The following STPG4 variants were observed in gnomAD, a reference collection of about 807,000 sequenced individuals.
The protein encoded by STPG4 is protein STPG4.
STPG4 carries 41 observed loss-of-function variants against 31.5 expected under a neutral mutation model. The observed-to-expected ratio is 1.30, with a 90% CI of 1.01 to 1.69. The LOEUF (loss-of-function observed/expected upper bound fraction) is 1.69, where lower values mean the gene tolerates loss of function less well. Ranked by LOEUF, STPG4 falls within the 40% of genes most tolerant of loss-of-function variation. The pLI, the probability that STPG4 is intolerant of heterozygous loss-of-function variation, is 0.00. For missense variants in STPG4, 375 were observed against 293.4 expected, an observed-to-expected ratio of 1.28 and a Z score of -2.03; for synonymous variants, 141 against 103.0, an observed-to-expected ratio of 1.37 and a Z score of -2.24.
chr2:47,094,968 T>C (rs1685640730), intron 5 of STPG4, among the ~76,000 whole-genome samples: 1 of 152,174 alleles, frequency 6.6e-6, no homozygotes, highest in Admixed American at 6.5e-5. Flanking sequence ...GTATCATCAA[T>C]ACACTCCTCT....
At position 47,155,047 on chromosome 2, in the gene STPG4, A is replaced by G. The variant is rs929683620; in HGVS notation, c.81+124T>C. 4.9e-6 allele frequency: 4 copies of G among 811,872 alleles called. No individual in the cohort carries two copies. In the African/African-American group the frequency reaches 6.8e-5, roughly 14 times the overall value. 50.3% of individuals were successfully genotyped at this position (811,872 alleles called of 1,614,324 possible). Reference sequence around the variant, plus strand: ...GGTGGAGACGTGCGTGAGGGCAGGGAGAGAAGGGTAGGAAGAGGGAACGAG... The same window carrying G: ...GGTGGAGACGTGCGTGAGGGCAGGGGGAGAAGGGTAGGAAGAGGGAACGAG... On this transcript the variant is annotated intron_variant, in intron 1 of 6. Transcript: ENST00000445927.
chr2:47,141,400 C>G (rs1479034833), intron 3 of STPG4, among the ~76,000 whole-genome samples: 1 of 151,488 alleles, frequency 6.6e-6, no homozygotes, highest in Non-Finnish European at 1.5e-5. Flanking sequence ...TCACCAATAT[C>G]TTGTAATTTT....
chr2:47,123,259 A>T (rs1047983710), intron 5 of STPG4, among the ~76,000 whole-genome samples: 2 of 152,228 alleles, frequency 1.3e-5, no homozygotes, highest in Admixed American at 6.5e-5. Context: ...AAATATTTAG[A>T]AATAGAAAAG....
intron 3 of STPG4, among the ~76,000 whole-genome samples, chr2:47,149,628 T>C (rs1243784291): frequency 6.6e-6 from 1 of 152,266 alleles, no homozygotes; most frequent in Non-Finnish European, 1.5e-5. Context: ...CTGAAAATTT[T>C]GTGTCCACTT....
chr2:47,130,196 C>G lies in STPG4; in HGVS notation c.464G>C (p.Arg155Thr), dbSNP rs368351975. 1 of 1,612,490 alleles carries G rather than the reference C, an allele frequency of 6.2e-7. No individual in the cohort carries two copies. Among genetic ancestry groups the G allele is most frequent in the African/African-American group, 1.3e-5 (1 of 74,868 alleles). ...LPAPVPKYAS[R>T]SCVFRSTVQR... ...GCTTATTTAATAAGTATATAATTAC[C>G]TGGAAGCATATTTGGGAACTGGTGC... Residue 155 changes from arginine to threonine, a missense_variant and splice_region_variant, in exon 4 of 7, where the codon AGG becomes ACG. Arg to Thr is a moderately conservative substitution (Grantham distance 71, BLOSUM62 -1). Transcript: ENST00000445927.
chr2:47,154,927 A>G (rs2103812930), intron 1 of STPG4, among the ~76,000 whole-genome samples: 1 of 152,278 alleles, frequency 6.6e-6, no homozygotes, highest in African/African-American at 2.4e-5. Context: ...AAATACAGAA[A>G]ACAAAGGGCG....
At chr2:47,143,545 A>G (rs10172148) in intron 3 of STPG4, among the ~76,000 whole-genome samples, 134,260 of 151,180 alleles carry the variant, frequency 0.89, 59,793 homozygotes, top group South Asian at 0.95. Flanking sequence ...GAGTGCAGTG[A>G]TGTGATCTTG....
chr2:47,118,410 C>G (rs1686195263), intron 5 of STPG4, among the ~76,000 whole-genome samples: 1 of 152,150 alleles, frequency 6.6e-6, no homozygotes, highest in Non-Finnish European at 1.5e-5. Flanking sequence ...AAGCTCAGGG[C>G]TCCCTCTGAT....
intron 3 of STPG4, among the ~76,000 whole-genome samples, chr2:47,132,014 G>C (rs890333320): frequency 1.3e-5 from 2 of 152,008 alleles, no homozygotes; most frequent in African/African-American, 4.8e-5. Context: ...AACATACAAT[G>C]ATTAGCCAGG....
rs530817202 is a variant in STPG4 at position 47,102,734 on chromosome 2, C to G, written c.520-12360G>C. Among the ~76,000 whole-genome samples the G allele has an allele frequency of 3.3e-5, 5 of 150,800 alleles. No individual in the cohort carries two copies. In the South Asian group the frequency reaches 1.0e-3, roughly 32 times the overall value. ...GAAATCTCCAAAGGACCATAAAAAA[C>G]CCCGGGCTATCGGTTATGTCCCCTT... On this transcript the variant is annotated intron_variant, in intron 5 of 6. Coordinates refer to ENST00000445927, the MANE Select transcript of STPG4 (RefSeq NM_001163561.2).
At chr2:47,093,446 C>T (rs995765287) in intron 5 of STPG4, among the ~76,000 whole-genome samples, 5 of 152,188 alleles carry the variant, frequency 3.3e-5, no homozygotes, top group African/African-American at 1.2e-4. Flanking sequence ...GCAGGAGCCT[C>T]TCAGTTTGGC....
rs147194997 is a variant in STPG4, at chr2:47,155,070, G to C, written c.81+101C>G. ...GGAGAGAAGGGTAGGAAGAGGGAACGAGAGCGGCACGAAGGCCTGGGATTA... is the reference window on the plus strand; with the variant it reads ...GGAGAGAAGGGTAGGAAGAGGGAACCAGAGCGGCACGAAGGCCTGGGATTA... On this transcript the variant is annotated intron_variant, in intron 1 of 6. Transcript: ENST00000445927. The C allele has an allele frequency of 1.3e-3, 1,475 of 1,106,072 alleles. 18 individuals carry two copies. In the African/African-American group the frequency reaches 0.019, roughly 14 times the overall value. 68.5% of individuals were successfully genotyped at this position (1,106,072 alleles called of 1,614,324 possible). A position where few individuals can be genotyped will look rare whatever the true frequency, so the allele number is the denominator to read the frequency against.
chr2:47,131,605 A>G (rs1246509496), intron 3 of STPG4, among the ~76,000 whole-genome samples: 1 of 152,230 alleles, frequency 6.6e-6, no homozygotes, highest in Non-Finnish European at 1.5e-5. Context: ...CACTGTCATC[A>G]GTGCTAAAAG....
intron 5 of STPG4, among the ~76,000 whole-genome samples, chr2:47,118,022 G>A (rs1194483792): frequency 6.6e-6 from 1 of 151,914 alleles, no homozygotes; most frequent in African/African-American, 2.4e-5. Context: ...TGGCCTCCCA[G>A]CATGTTGGGA....
At chr2:47,088,759 G>A (rs949409099) in intron 6 of STPG4, among the ~76,000 whole-genome samples, 1 of 152,228 alleles carries the variant, frequency 6.6e-6, no homozygotes, top group Non-Finnish European at 1.5e-5. Flanking sequence ...CGCTTTAAAT[G>A]ACAGGATGTT....
Position 47,124,188 on chromosome 2 carries a change from G to T in STPG4, c.519+5753C>A, listed in dbSNP as rs543029574. Among the ~76,000 whole-genome samples the T allele has an allele frequency of 3.3e-5, 5 of 152,112 alleles. No individual in the cohort carries two copies. The South Asian group carries it at 1.0e-3, about 32-fold the overall frequency. On this transcript the variant is annotated intron_variant, in intron 5 of 6. Coordinates refer to ENST00000445927, the MANE Select transcript of STPG4 (RefSeq NM_001163561.2). Reference sequence around the variant, plus strand: ...AGTAGAGGTGGGGCTTCACCATGTTGGCCAGGCTGGTAGGCTGGTCTTGAA... The same window carrying T: ...AGTAGAGGTGGGGCTTCACCATGTTTGCCAGGCTGGTAGGCTGGTCTTGAA...
intron 5 of STPG4, among the ~76,000 whole-genome samples, chr2:47,120,502 G>A (rs1686245817): frequency 6.6e-6 from 1 of 152,100 alleles, no homozygotes; most frequent in Non-Finnish European, 1.5e-5. Flanking sequence ...GGGAGGTGGA[G>A]CTTGCAGTGA....
intron 3 of STPG4, among the ~76,000 whole-genome samples, chr2:47,132,292 T>G (rs144839956): frequency 3.9e-4 from 60 of 152,274 alleles, no homozygotes; most frequent in African/African-American, 1.3e-3. Flanking sequence ...AGTTATATTA[T>G]AAAATCCTAG....
intron 5 of STPG4, among the ~76,000 whole-genome samples, chr2:47,118,199 T>TC (rs1384231515): frequency 5.9e-5 from 9 of 152,100 alleles, no homozygotes; most frequent in African/African-American, 2.2e-4. Context: ...TTATAGCCAC[T>TC]CCCCATCACT....
Sources: allele counts gnomAD v4.1 joint callset (sites outside exome capture counted in the v4.1 genomes callset), GRCh38; gene constraint gnomAD v4.1.1; transcripts MANE v1.5; gene names NCBI Gene and HGNC (gene_info 2026-07-23, HGNC 2026-07-21).